The following PRKCD variants were observed in gnomAD, a reference collection of about 807,000 sequenced individuals.
The protein encoded by PRKCD is protein kinase C delta type.
PRKCD carries 20 observed loss-of-function variants against 82.2 expected under a neutral mutation model. The observed-to-expected ratio is 0.24, with a 90% confidence interval of 0.17 to 0.35. The LOEUF is 0.35. PRKCD is among the 10% of genes least tolerant of loss of function. PRKCD has a pLI of 1.00. For synonymous variants in PRKCD, 317 were observed against 337.0 expected (o/e 0.94, Z 0.65); for missense variants, 607 against 899.0 (o/e 0.68, Z 4.15).
intron 2 of PRKCD, among the ~76,000 whole-genome samples, chr3:53,168,236 A>G (rs1483558953): frequency 1.3e-5 from 2 of 152,216 alleles, no homozygotes; most frequent in African/African-American, 2.4e-5. Flanking sequence ...GGAAGCTAGA[A>G]GAGTAGGGGG....
intron 2 of PRKCD, among the ~76,000 whole-genome samples, chr3:53,176,686 G>C (rs1312068423): frequency 3.3e-5 from 5 of 152,274 alleles, no homozygotes; most frequent in African/African-American, 1.2e-4. Flanking sequence ...GTGGCAACCT[G>C]AGGAGCCCCT....
chr3:53,182,669 G>A (rs1448154609), intron 7 of PRKCD, among the ~76,000 whole-genome samples: 1 of 152,206 alleles, frequency 6.6e-6, no homozygotes, highest in Non-Finnish European at 1.5e-5. Context: ...CCTTCCACTG[G>A]TAGCCGCTCT....
chr3:53,192,635 G>GGCA lies in PRKCD; in HGVS notation c.*369_*370insGCA, dbSNP rs1703968664. 1 of 36,274 alleles carries GGCA rather than the reference G, an allele frequency of 2.8e-5. No individual in the cohort carries two copies. The highest frequency in any genetic ancestry group is 6.0e-5 in the Non-Finnish European group (1 of 16,588). 2.2% of individuals were successfully genotyped at this position (36,274 alleles called of 1,614,324 possible). A position where few individuals can be genotyped will look rare whatever the true frequency, so the allele number is the denominator to read the frequency against. Reference sequence around the variant, plus strand: ...ATCTTTTTCAAAAAAATATATATATGACAAAAAAAAAAAAAAAGGAGCACA... The same window carrying GGCA: ...ATCTTTTTCAAAAAAATATATATATGGCAACAAAAAAAAAAAAAAAGGAGCACA... On this transcript the variant is annotated 3_prime_UTR_variant, in exon 19 of 19. Transcript: ENST00000330452.
At chr3:53,185,829 C>T in intron 11 of PRKCD, 98 bp from the exon 12 acceptor site, 1 of 1,522,790 alleles carries the variant, frequency 6.6e-7, no homozygotes, top group Non-Finnish European at 9.1e-7. Flanking sequence ...GAGCCCCTTC[C>T]TCTCTGAGGC....
chr3:53,190,079 C>T (rs782682567), intron 18 of PRKCD, 78 bp downstream of exon 18: 39 of 1,568,040 alleles, frequency 2.5e-5, no homozygotes, highest in Middle Eastern at 1.8e-4. Context: ...ATCATTCACA[C>T]GCTTTCCACC....
intron 1 of PRKCD, chr3:53,161,713 A>C (rs1467828390): frequency 2.2e-5 from 3 of 136,686 alleles, no homozygotes; most frequent in East Asian, 2.2e-4. Flanking sequence ...GTCCCTCCCG[A>C]CTCTCTCCCG....
rs1438592483 is a variant in PRKCD at position 53,179,648 on chromosome 3, A to G, written c.187A>G (p.Ile63Val). The G allele has an allele frequency of 1.9e-6, 3 of 1,614,126 alleles. No homozygotes were observed. The highest frequency in any genetic ancestry group is 1.1e-5 in the South Asian group (1 of 91,048). Residue 63 changes from isoleucine to valine, a missense_variant, in exon 4 of 19, where the codon ATC (isoleucine) becomes GTC (valine). By Grantham distance (29) the Ile-to-Val change is conservative. Around this residue, in one of 5 missense-constraint regions of PRKCD, gnomAD observed 161 missense variants for 227.0 expected, o/e 0.71. Coordinates refer to ENST00000330452, the MANE Select transcript of PRKCD (RefSeq NM_006254.4). ...PEWKSTFDAH[I>V]YEGRVIQIVL... is the part of the protein sequence containing the mutation. ...GTGGAAGTCGACGTTCGATGCCCAC[A>G]TCTATGAGGGGCGCGTCATCCAGAT...
intron 15 of PRKCD, among the ~76,000 whole-genome samples, chr3:53,187,883 A>G (rs1703767344): frequency 6.6e-6 from 1 of 152,196 alleles, no homozygotes; most frequent in Non-Finnish European, 1.5e-5. Flanking sequence ...ATTAGCATTC[A>G]GCCTTTAAAA....
chr3:53,170,807 A>T lies in PRKCD; in HGVS notation c.-20+5592A>T, dbSNP rs138669340. Among the ~76,000 whole-genome samples, 646 of 152,278 alleles carry T rather than the reference A, an allele frequency of 4.2e-3. 40 individuals carry two copies. In the South Asian group the frequency reaches 0.11, roughly 26 times the overall value. ...GTTTGTTTCTGTGTCTGCCTGGAGC[A>T]TCTCTGTGCCAGTGTGTACATCACA... On this transcript the variant is annotated intron_variant, in intron 2 of 18. Coordinates refer to ENST00000330452, the MANE Select transcript of PRKCD (RefSeq NM_006254.4).
chr3:53,167,658 G>A (rs782763520), intron 2 of PRKCD, among the ~76,000 whole-genome samples: 7 of 152,256 alleles, frequency 4.6e-5, no homozygotes, highest in Non-Finnish European at 8.8e-5. Flanking sequence ...TGTCAGAGTT[G>A]AATGAGTAGA....
Position 53,186,179 on chromosome 3 carries a change from G to C in PRKCD, c.1099G>C (p.Glu367Gln). 2 of 1,613,938 alleles carry C rather than the reference G, an allele frequency of 1.2e-6. No individual in the cohort carries two copies. The highest frequency in any genetic ancestry group is 8.5e-7 in the Non-Finnish European group (1 of 1,179,884). Residue 367 changes from glutamate to glutamine, a missense_variant, in exon 13 of 19, where the codon GAG becomes CAG. Glu to Gln is a conservative substitution (Grantham distance 29). Coordinates refer to ENST00000330452, the MANE Select transcript of PRKCD (RefSeq NM_006254.4). ...GTCTCCCCATCAGGTGCTGCTTGGA[G>C]AGCTGAAGGGCAGAGGAGAGTACTT... ...KGSFGKVLLGELKGRGEYFAI... is the reference protein window; with the variant it reads ...KGSFGKVLLGQLKGRGEYFAI...
chr3:53,182,071 G>A (rs1553667775), intron 7 of PRKCD: 3 of 455,678 alleles, frequency 6.6e-6, no homozygotes, highest in Middle Eastern at 6.5e-4. Context: ...CTGGCACATA[G>A]TGGCTGCATG....
Position 53,179,779 on chromosome 3 carries a change from A to C in PRKCD, c.315+3A>C. The C allele has an allele frequency of 6.4e-7, 1 of 1,555,476 alleles. No individual in the cohort carries two copies. Among genetic ancestry groups the C allele is most frequent in the Non-Finnish European group, 8.7e-7 (1 of 1,149,524 alleles). ...ACAATGGCAAGGCTGAGTTCTGGGT[A>C]AGGGGCGCACGAGCCGTGCCGTGTG... On this transcript the variant is annotated splice_donor_region_variant and intron_variant, in intron 4 of 18. Coordinates refer to ENST00000330452, the MANE Select transcript of PRKCD (RefSeq NM_006254.4).
In PRKCD at chr3:53,184,966, G is replaced by A. The variant is rs782446907; in HGVS notation, c.880G>A (p.Val294Ile). Residue 294 changes from valine to isoleucine, a missense_variant, in exon 10 of 19, where the codon GTC becomes ATC. By Grantham distance (29) the Val-to-Ile change is conservative. Around this residue, in one of 5 missense-constraint regions of PRKCD, gnomAD observed 85 missense variants for 76.1 expected, o/e 1.12. Transcript: ENST00000330452. ...GCTTTTGGCTGAGGCCTTGAACCAA[G>A]TCACCCAGGTGGGCAGGTGCCATGG... ...QKLLAEALNQ[V>I]TQRASRRSDS... 6.2e-7 allele frequency: 1 copy of A among 1,613,882 alleles called. No individual in the cohort carries two copies. The highest frequency in any genetic ancestry group is 1.7e-5 in the Admixed American group (1 of 60,004).
chr3:53,166,896 G>A (rs1047496613), intron 2 of PRKCD, among the ~76,000 whole-genome samples: 2 of 152,254 alleles, frequency 1.3e-5, no homozygotes, highest in Non-Finnish European at 2.9e-5. Flanking sequence ...GGGAGAGGCT[G>A]TGTCAGCTGT....
intron 2 of PRKCD, among the ~76,000 whole-genome samples, chr3:53,167,992 A>G (rs1224537816): frequency 1.3e-5 from 2 of 152,242 alleles, no homozygotes; most frequent in African/African-American, 2.4e-5. Context: ...AAAGGGAGAA[A>G]ATAGATCTCG....
At chr3:53,191,826 G>A (rs1299471280) in intron 18 of PRKCD, among the ~76,000 whole-genome samples, 3 of 152,204 alleles carry the variant, frequency 2.0e-5, no homozygotes, top group Non-Finnish European at 2.9e-5. Flanking sequence ...AAAAACAGGT[G>A]GTAAGTGAGC....
In PRKCD at chr3:53,179,675, G is replaced by C. The variant is rs151061939; in HGVS notation, c.214G>C (p.Val72Leu). ...HIYEGRVIQI[V>L]LMRAAEEPVS... ...CTATGAGGGGCGCGTCATCCAGATT[G>C]TGCTAATGCGGGCAGCAGAGGAGCC... The change falls in exon 4 of 19, where the codon GTG becomes CTG. Residue 72 changes from valine (V) to leucine (L), a missense_variant. By Grantham distance (32) the Val-to-Leu change is conservative. Transcript: ENST00000330452. The C allele has an allele frequency of 9.4e-4, 1,514 of 1,613,104 alleles. 14 individuals carry two copies. The African/African-American group carries it at 0.018, about 19-fold the overall frequency.
intron 4 of PRKCD, among the ~76,000 whole-genome samples, chr3:53,180,851 G>A (rs1413312107): frequency 6.6e-6 from 1 of 152,154 alleles, no homozygotes; most frequent in Non-Finnish European, 1.5e-5. Flanking sequence ...GTCTCTCTCC[G>A]CATGTGCACA....
Sources: gnomAD v4.1 joint callset for allele counts (sites outside exome capture counted in the v4.1 genomes callset) on GRCh38, gnomAD v4.1.1 for gene constraint, gnomAD v4.1.1 regional missense constraint, MANE v1.5 for transcripts, NCBI Gene and HGNC (gene_info 2026-07-23, HGNC 2026-07-21) for gene names.